PDZD8: variants seen among roughly 807,000 people sequenced by gnomAD.
The protein encoded by PDZD8 is PDZ domain-containing protein 8.
In PDZD8, 14 loss-of-function variants were observed where a neutral mutation model predicts 85.8. That is an observed-to-expected ratio of 0.16 (90% CI 0.11 to 0.26). The LOEUF (loss-of-function observed/expected upper bound fraction) is 0.26, where lower values mean the gene tolerates loss of function less well. PDZD8 is among the 10% of genes least tolerant of loss of function. The probability of loss-of-function intolerance (pLI) is 1.00; values close to 1 mark genes in which losing one functional copy is unlikely to be tolerated. For synonymous variants in PDZD8, 592 were observed against 568.6 expected (o/e 1.04, Z -0.59); for missense variants, 1,197 against 1,424.3 (o/e 0.84, Z 2.57).
intron 2 of PDZD8, among the ~76,000 whole-genome samples, chr10:117,333,126 A>AC (rs1554854835): frequency 0.011 from 1,541 of 140,746 alleles, 51 homozygotes; most frequent in South Asian, 0.03. Flanking sequence ...TCAAAAAAAA[A>AC]AAAAAAAAAA....
chr10:117,345,559 G>T (rs1252669426), intron 1 of PDZD8, among the ~76,000 whole-genome samples: 1 of 152,074 alleles, frequency 6.6e-6, no homozygotes, highest in African/African-American at 2.4e-5. Context: ...CAAATATCAA[G>T]CTCTGGGTAA....
intron 1 of PDZD8, among the ~76,000 whole-genome samples, chr10:117,362,729 A>C (rs1055546767): frequency 6.6e-6 from 1 of 152,144 alleles, no homozygotes; most frequent in African/African-American, 2.4e-5. Flanking sequence ...CAATTTACCT[A>C]AAATGGGCTA....
chr10:117,298,083 A>G (rs955199054), intron 3 of PDZD8, among the ~76,000 whole-genome samples: 12 of 152,258 alleles, frequency 7.9e-5, no homozygotes, highest in Middle Eastern at 3.4e-3. Flanking sequence ...ACTTATGTCA[A>G]TCAAATGCAT....
intron 3 of PDZD8, among the ~76,000 whole-genome samples, chr10:117,310,650 G>GTTA (rs1053226856): frequency 2.0e-5 from 3 of 152,118 alleles, no homozygotes; most frequent in African/African-American, 7.2e-5. Context: ...ACTATAGAAT[G>GTTA]TTATATATGG....
At chr10:117,290,887 T>TTTTTA (rs1844748357) in intron 3 of PDZD8, among the ~76,000 whole-genome samples, 1 of 141,958 alleles carries the variant, frequency 7.0e-6, no homozygotes, top group Non-Finnish European at 1.5e-5. Context: ...TTTTTTTTTT[T>TTTTTA]GAGACAGGGT....
At chr10:117,348,567 T>G (rs756092469) in intron 1 of PDZD8, among the ~76,000 whole-genome samples, 32 of 152,208 alleles carry the variant, frequency 2.1e-4, no homozygotes, top group Non-Finnish European at 3.8e-4. Context: ...CCTTTCTCCT[T>G]GGCTTGGCGA....
rs1188731590 is a variant in PDZD8 at position 117,283,468 on chromosome 10, G to A, written c.3265C>T (p.Leu1089Phe). The change falls in exon 5 of 5, where the codon CTT (leucine) becomes TTT (phenylalanine). Residue 1089 changes from leucine to phenylalanine, a missense_variant. Coordinates refer to ENST00000334464, the MANE Select transcript of PDZD8 (RefSeq NM_173791.5). Reference protein sequence around the residue: ...KSGERLQALTLLMIHYRAGIE... With the variant: ...KSGERLQALTFLMIHYRAGIE... ...CCTGCTCTGTAGTGAATCATAAGAA[G>A]TGTTAGAGCTTGTAGCCTTTCACCT... is the stretch of plus-strand genomic sequence containing the variant. The A allele has an allele frequency of 6.2e-6, 10 of 1,613,946 alleles. No individual in the cohort carries two copies. The highest frequency in any genetic ancestry group is 8.5e-6 in the Non-Finnish European group (10 of 1,179,908).
intron 4 of PDZD8, among the ~76,000 whole-genome samples, chr10:117,287,678 A>G (rs933517849): frequency 6.6e-6 from 1 of 152,168 alleles, no homozygotes; most frequent in African/African-American, 2.4e-5. Flanking sequence ...GATCCTCCTG[A>G]TAACTGGCCT....
Position 117,360,914 on chromosome 10 carries a change from A to G in PDZD8, c.872+13442T>C, listed in dbSNP as rs145882884. Among the ~76,000 whole-genome samples, 21 of 152,236 alleles carry G rather than the reference A, an allele frequency of 1.4e-4. No homozygotes were observed. In the East Asian group the frequency reaches 4.1e-3, roughly 29 times the overall value. Reference sequence around the variant, plus strand: ...GGACTCCTATAAACTTTTAAAAATTATTGAGGATCCCAAAGAGCTGCTGTT... The same window carrying G: ...GGACTCCTATAAACTTTTAAAAATTGTTGAGGATCCCAAAGAGCTGCTGTT... On this transcript the variant is annotated intron_variant, in intron 1 of 4. Coordinates refer to ENST00000334464, the MANE Select transcript of PDZD8 (RefSeq NM_173791.5).
At chr10:117,348,373 T>C (rs74159182) in intron 1 of PDZD8, among the ~76,000 whole-genome samples, 1,799 of 152,280 alleles carry the variant, frequency 0.012, 38 homozygotes, top group African/African-American at 0.04. Context: ...ACCTCCAAAC[T>C]AGGCATCAGC....
chr10:117,301,847 C>T (rs536835124), intron 3 of PDZD8, among the ~76,000 whole-genome samples: 1 of 152,202 alleles, frequency 6.6e-6, no homozygotes, highest in African/African-American at 2.4e-5. Context: ...GTTCTCTCCT[C>T]CCTCCCTTTT....
At chr10:117,311,137 T>C (rs1456423858) in intron 3 of PDZD8, among the ~76,000 whole-genome samples, 1 of 152,196 alleles carries the variant, frequency 6.6e-6, no homozygotes, top group Non-Finnish European at 1.5e-5. Flanking sequence ...ACTATACACA[T>C]AGAGTAAGAA....
At chr10:117,291,246 T>C (rs1203256661) in intron 3 of PDZD8, among the ~76,000 whole-genome samples, 1 of 151,486 alleles carries the variant, frequency 6.6e-6, no homozygotes, top group Non-Finnish European at 1.5e-5. Context: ...TATTAAGAGT[T>C]ATCGGCCGGG....
At chr10:117,363,237 C>T (rs1845026990) in intron 1 of PDZD8, among the ~76,000 whole-genome samples, 1 of 152,048 alleles carries the variant, frequency 6.6e-6, no homozygotes, top group Non-Finnish European at 1.5e-5. Context: ...CAACCACATC[C>T]TTAGTAATAA....
intron 3 of PDZD8, among the ~76,000 whole-genome samples, chr10:117,296,752 T>C (rs1490826403): frequency 1.3e-5 from 2 of 152,028 alleles, no homozygotes; most frequent in African/African-American, 4.8e-5. Context: ...GGGAAAAAAG[T>C]GAACCTTGAC....
At chr10:117,334,732 G>T (rs934780420) in intron 2 of PDZD8, among the ~76,000 whole-genome samples, 1 of 152,038 alleles carries the variant, frequency 6.6e-6, no homozygotes, top group Non-Finnish European at 1.5e-5. Flanking sequence ...TATAATAAAT[G>T]AGATTAAAAA....
At chr10:117,347,055 C>T (rs1042889088) in intron 1 of PDZD8, among the ~76,000 whole-genome samples, 2 of 152,014 alleles carry the variant, frequency 1.3e-5, no homozygotes, top group Non-Finnish European at 2.9e-5. Context: ...AAACTTTCCT[C>T]TCCTAAACCC....
chr10:117,319,966 T>G (rs1418006418), intron 2 of PDZD8, among the ~76,000 whole-genome samples: 2 of 151,798 alleles, frequency 1.3e-5, no homozygotes, highest in Non-Finnish European at 2.9e-5. Flanking sequence ...TAAAAAAAAC[T>G]GTGTCCGCAG....
intron 1 of PDZD8, 62 bp from the exon 2 acceptor site, chr10:117,341,164 CA>C: frequency 6.5e-7 from 1 of 1,537,246 alleles, no homozygotes; most frequent in South Asian, 1.1e-5. Context: ...TAAAGCATAA[CA>C]AAACTCACCT....
Sources: gnomAD v4.1 joint callset for allele counts (sites outside exome capture counted in the v4.1 genomes callset) on GRCh38, gnomAD v4.1.1 for gene constraint, MANE v1.5 for transcripts, NCBI Gene and HGNC (gene_info 2026-07-23, HGNC 2026-07-21) for gene names.